The following C9orf72 variants were observed in gnomAD, a reference collection of about 807,000 sequenced individuals.
C9orf72 encodes C9orf72-SMCR8 complex subunit.
Under a neutral mutation model 51.6 loss-of-function variants are expected in C9orf72, and 44 were observed. The ratio of observed to expected loss-of-function variants is 0.85; its 90% confidence interval spans 0.67 to 1.10. C9orf72 has a LOEUF of 1.10. Among genes scored for constraint, C9orf72 ranks in the 50% least tolerant of loss-of-function variants. The probability of loss-of-function intolerance (pLI) is 0.00; values close to 1 mark genes in which losing one functional copy is unlikely to be tolerated. For synonymous variants in C9orf72, 213 were observed against 194.2 expected, an observed-to-expected ratio of 1.10 and a Z score of -0.81; for missense variants, 607 against 570.6, an observed-to-expected ratio of 1.06 and a Z score of -0.65.
intron 2 of C9orf72, among the ~76,000 whole-genome samples, chr9:27,566,442 A>C (rs1263011585): frequency 6.6e-6 from 1 of 152,144 alleles, no homozygotes; most frequent in Non-Finnish European, 1.5e-5. Context: ...TATTTGTCTA[A>C]GCTTTAGCTT....
chr9:27,570,298 C>T (rs1192305826), intron 1 of C9orf72, among the ~76,000 whole-genome samples: 1 of 152,124 alleles, frequency 6.6e-6, no homozygotes, highest in Non-Finnish European at 1.5e-5. Context: ...CAACAGCAAA[C>T]TGGAGGCCAA....
chr9:27,547,988 A>G lies in C9orf72; in HGVS notation c.*248T>C, dbSNP rs73440933. The G allele has an allele frequency of 0.033, 9,483 of 283,274 alleles. 373 individuals carry two copies. The highest frequency in any genetic ancestry group is 0.12 in the African/African-American group (5,394 of 46,084). 17.5% of individuals were successfully genotyped at this position (283,274 alleles called of 1,614,324 possible). On this transcript the variant is annotated 3_prime_UTR_variant, in exon 11 of 11. Coordinates refer to ENST00000380003, the MANE Select transcript of C9orf72 (RefSeq NM_018325.5). ...TATTATATCTTTAAAAGATAGCAAT[A>G]ATATTTATTATATTGTAAACATAGG...
In C9orf72 at chr9:27,548,433, T is replaced by C. The variant is rs199587552; in HGVS notation, c.1260-11A>G. On this transcript the variant is annotated splice_polypyrimidine_tract_variant and intron_variant, in intron 10 of 10. Coordinates refer to ENST00000380003, the MANE Select transcript of C9orf72 (RefSeq NM_018325.5). ...TTTTTTCCCTTCTGCCTAAAAATAA[T>C]GGAAAAAAAAAAAAAAAAAAAAAAA... The C allele has an allele frequency of 1.8e-4, 51 of 286,118 alleles. No homozygotes were observed. In the East Asian group the frequency reaches 3.8e-3, roughly 21 times the overall value. 17.7% of individuals were successfully genotyped at this position (286,118 alleles called of 1,614,324 possible).
At position 27,567,112 on chromosome 9, in the gene C9orf72, A is replaced by G; in HGVS notation, c.9T>C (p.Thr3=). The change falls in exon 2 of 11, where the codon ACT becomes ACC. Residue 3 remains threonine (T), a synonymous_variant. Coordinates refer to ENST00000380003, the MANE Select transcript of C9orf72 (RefSeq NM_018325.5). The stretch of plus-strand genomic sequence containing the variant: ...CAGCTGGAGATGGCGGTGGGCAAAG[A>G]GTCGACATCACTGCATTCCAACTGT... MS[T]LCPPPSPAVA... 5.6e-6 allele frequency: 9 copies of G among 1,612,766 alleles called. No homozygotes were observed. The highest frequency in any genetic ancestry group is 6.8e-6 in the Non-Finnish European group (8 of 1,179,148).
At position 27,558,501 on chromosome 9, in the gene C9orf72, C is replaced by T. The variant is rs1171993963; in HGVS notation, c.845G>A (p.Gly282Asp). Residue 282 changes from glycine to aspartate, a missense_variant, in exon 7 of 11, where the codon GGC becomes GAC. Gly to Asp is a moderately conservative substitution (Grantham distance 94). Transcript: ENST00000380003. ...AACTAGAAACTATACCTTTAGCAGG[C>T]CTTGTACAAAGAGCCCTGACTCATA... is the stretch of plus-strand genomic sequence containing the variant. ...FKYESGLFVQ[G>D]LLKDSTGSFV... 3.8e-6 allele frequency: 6 copies of T among 1,561,226 alleles called. No individual in the cohort carries two copies. Among genetic ancestry groups the T allele is most frequent in the Non-Finnish European group, 5.3e-6 (6 of 1,142,504 alleles).
Position 27,567,129 on chromosome 9 carries a change from T to C in C9orf72, c.-9A>G. 1 of 1,607,992 alleles carries C rather than the reference T, an allele frequency of 6.2e-7. No individual in the cohort carries two copies. Among genetic ancestry groups the C allele is most frequent in the South Asian group, 1.1e-5 (1 of 91,018 alleles). ...GGGCAAAGAGTCGACATCACTGCAT[T>C]CCAACTGTCACATTATCCAAATGCT... On this transcript the variant is annotated 5_prime_UTR_variant, in exon 2 of 11. Transcript: ENST00000380003.
chr9:27,558,452 T>C (rs748505438), intron 7 of C9orf72, 39 bp downstream of exon 7: 42 of 1,099,674 alleles, frequency 3.8e-5, no homozygotes, highest in Non-Finnish European at 4.9e-5. Context: ...AAAATGATTT[T>C]AGAAAAGTGG....
Position 27,549,308 on chromosome 9 carries a change from C to T in C9orf72, c.1150-642G>A, listed in dbSNP as rs138205753. On this transcript the variant is annotated intron_variant, in intron 9 of 10. Coordinates refer to ENST00000380003, the MANE Select transcript of C9orf72 (RefSeq NM_018325.5). ...CAAATCTTCAAATAACATTGAAGCT[C>T]CTAGAAGATGAGCCTATGGTTTTGA... Among the ~76,000 whole-genome samples, 9 of 152,246 alleles carry T rather than the reference C, an allele frequency of 5.9e-5. No individual in the cohort carries two copies. The East Asian group carries it at 1.7e-3, about 29-fold the overall frequency.
chr9:27,561,759 T>C, intron 4 of C9orf72, 110 bp from the exon 5 acceptor site: 1 of 625,252 alleles, frequency 1.6e-6, no homozygotes, highest in Admixed American at 3.6e-5. Context: ...ACACACTGCC[T>C]TCATTTCCGA....
chr9:27,554,740 A>T (rs1359655297), intron 8 of C9orf72: 1 of 396,048 alleles, frequency 2.5e-6, no homozygotes, highest in Non-Finnish European at 4.4e-6. Flanking sequence ...AACATGTAAA[A>T]ACATATACTT....
At chr9:27,568,354 G>A (rs934290849) in intron 1 of C9orf72, among the ~76,000 whole-genome samples, 2 of 152,140 alleles carry the variant, frequency 1.3e-5, no homozygotes, top group Non-Finnish European at 2.9e-5. Flanking sequence ...TTTAGAACAC[G>A]TAGAAAACAG....
intron 2 of C9orf72, 126 bp from the exon 3 acceptor site, chr9:27,565,716 A>C (rs10757667): frequency 0.21 from 128,594 of 619,894 alleles, 14,224 homozygotes; most frequent in Non-Finnish European, 0.23. Flanking sequence ...TTTAGGGAAA[A>C]AATGGGGGCA....
chr9:27,550,041 G>C (rs998091121), intron 9 of C9orf72, among the ~76,000 whole-genome samples: 1 of 149,944 alleles, frequency 6.7e-6, no homozygotes, highest in South Asian at 2.1e-4. Flanking sequence ...CTATCATAGA[G>C]TATATGTTAT....
chr9:27,550,995 C>T (rs1820894375), intron 8 of C9orf72, among the ~76,000 whole-genome samples: 1 of 151,944 alleles, frequency 6.6e-6, no homozygotes, highest in Admixed American at 6.6e-5. Flanking sequence ...ATGTATGTAT[C>T]TATCAATCTA....
chr9:27,568,746 TACA>T (rs760406454), intron 1 of C9orf72, among the ~76,000 whole-genome samples: 2 of 152,338 alleles, frequency 1.3e-5, no homozygotes, highest in South Asian at 4.1e-4. Context: ...TATTACAGTG[TACA>T]ACACTTGATA....
At chr9:27,557,499 A>G (rs1819231775) in intron 7 of C9orf72, among the ~76,000 whole-genome samples, 1 of 152,098 alleles carries the variant, frequency 6.6e-6, no homozygotes, top group African/African-American at 2.4e-5. Context: ...TATGATTTGT[A>G]TTTGCATGGA....
chr9:27,569,294 T>C (rs1041171476), intron 1 of C9orf72, among the ~76,000 whole-genome samples: 4 of 152,232 alleles, frequency 2.6e-5, no homozygotes, highest in Non-Finnish European at 5.9e-5. Flanking sequence ...CAGCGTACTG[T>C]GTTTATAGTC....
Position 27,567,174 on chromosome 9 carries a change from G to T in C9orf72, c.-44-10C>A. On this transcript the variant is annotated splice_polypyrimidine_tract_variant and intron_variant, in intron 1 of 10. Transcript: ENST00000380003. ...AATGCTCCGGAGATATCTAAACAAT[G>T]ACATATGAAACCAATGATTAGGTTC... The T allele has an allele frequency of 2.1e-6, 3 of 1,434,416 alleles. No homozygotes were observed. The South Asian group carries it at 3.6e-5, about 17-fold the overall frequency. The allele number at this position is 1,434,416 out of a possible 1,614,324, so 88.9% of individuals were successfully genotyped here. A position where few individuals can be genotyped will look rare whatever the true frequency, so the allele number is the denominator to read the frequency against.
chr9:27,561,455 T>C lies in C9orf72; in HGVS notation c.665+130A>G, dbSNP rs1819344112. The C allele has an allele frequency of 3.0e-6, 4 of 1,319,338 alleles. No homozygotes were observed. The South Asian group carries it at 6.1e-5, about 20-fold the overall frequency. 81.7% of individuals were successfully genotyped at this position (1,319,338 alleles called of 1,614,324 possible). On this transcript the variant is annotated intron_variant, in intron 5 of 10. Transcript: ENST00000380003. ...AAAATAACACAAATTTAAGCAACAG[T>C]TCAAATACGTAATGTCCCTAGAACA...
Sources: gnomAD v4.1 joint callset for allele counts (sites outside exome capture counted in the v4.1 genomes callset) on GRCh38, gnomAD v4.1.1 for gene constraint, MANE v1.5 for transcripts, NCBI Gene and HGNC (gene_info 2026-07-23, HGNC 2026-07-21) for gene names.